Variants in GRM4 observed in about 807,000 individuals in gnomAD.
The protein encoded by GRM4 is glutamate metabotropic receptor 4.
Under a neutral mutation model 81.7 loss-of-function variants are expected in GRM4, and 28 were observed. That is an observed-to-expected ratio of 0.34 (90% CI 0.25 to 0.47). GRM4 has a LOEUF of 0.47. Ranked by LOEUF, GRM4 falls within the 20% of genes least tolerant of loss-of-function variation. The pLI is 1.00. For missense variants in GRM4, 948 were observed against 1,290.0 expected (o/e 0.73, Z 4.06); for synonymous variants, 488 against 528.8 (o/e 0.92, Z 1.06).
intron 2 of GRM4, among the ~76,000 whole-genome samples, chr6:34,118,249 C>T (rs913879695): frequency 6.6e-6 from 1 of 152,224 alleles, no homozygotes; most frequent in Non-Finnish European, 1.5e-5. Context: ...GGCTAAGGGA[C>T]ATCGAGCCAC....
At chr6:34,044,853 C>CATACATACACATATATACATAG (rs1765277164) in intron 6 of GRM4, among the ~76,000 whole-genome samples, 1 of 134,854 alleles carries the variant, frequency 7.4e-6, no homozygotes, top group Admixed American at 7.1e-5. Context: ...TATACATAGA[C>CATACATACACATATATACATAG]ACACACACAG....
At chr6:34,098,957 G>A (rs1227602629) in intron 2 of GRM4, among the ~76,000 whole-genome samples, 1 of 152,068 alleles carries the variant, frequency 6.6e-6, no homozygotes, top group Non-Finnish European at 1.5e-5. Flanking sequence ...TGTGGGCTGG[G>A]AGCCGGTCTC....
chr6:34,024,955 C>A lies in GRM4; in HGVS notation c.2690-2085G>T, dbSNP rs9469686. 1.9e-3 allele frequency among the ~76,000 whole-genome samples: 287 copies of A among 152,300 alleles called. 1 individual carries two copies. Among genetic ancestry groups the A allele is most frequent in the African/African-American group, 6.5e-3 (270 of 41,554 alleles). ...GATGACCAAGAGGGCAGAGGGACCA[C>A]AGGACAGGTCATTTTGGATGGGGCA... is the stretch of plus-strand genomic sequence containing the variant. On this transcript the variant is annotated intron_variant, in intron 10 of 10. Transcript: ENST00000538487.
Position 34,068,936 on chromosome 6 carries a change from A to T in GRM4, c.737-6908T>A, listed in dbSNP as rs1466654879. On this transcript the variant is annotated intron_variant, in intron 3 of 10. Coordinates refer to ENST00000538487, the MANE Select transcript of GRM4 (RefSeq NM_000841.4). This position sits in a 1 kb window ranked among gnomAD's most constrained non-coding sequence, Gnocchi z 4.2. Reference sequence around the variant, plus strand: ...CGCTTTCTCCCTTCCTTTAAAAAGAATTTTTTTTTAATTTAAAAAGAGAGG... The same window carrying T: ...CGCTTTCTCCCTTCCTTTAAAAAGATTTTTTTTTTAATTTAAAAAGAGAGG... 6.6e-6 allele frequency among the ~76,000 whole-genome samples: 1 copy of T among 151,890 alleles called. No homozygotes were observed. Among genetic ancestry groups the T allele is most frequent in the Admixed American group, 6.6e-5 (1 of 15,236 alleles).
intron 3 of GRM4, among the ~76,000 whole-genome samples, chr6:34,086,566 G>A (rs1157262871): frequency 1.3e-5 from 2 of 152,186 alleles, no homozygotes; most frequent in African/African-American, 4.8e-5. Flanking sequence ...GCACAGATGT[G>A]CCCAGACATG....
intron 2 of GRM4, among the ~76,000 whole-genome samples, chr6:34,124,552 G>C (rs551496478): frequency 6.6e-6 from 1 of 152,200 alleles, no homozygotes; most frequent in Non-Finnish European, 1.5e-5. Context: ...AGTTCACTTC[G>C]AGGGGTGGTT....
At chr6:34,113,912 C>T (rs761672557) in intron 2 of GRM4, among the ~76,000 whole-genome samples, 1 of 152,214 alleles carries the variant, frequency 6.6e-6, no homozygotes, top group Non-Finnish European at 1.5e-5. Flanking sequence ...TGACCCAACC[C>T]TGCCACACCT....
chr6:34,076,740 G>C (rs1767332606), intron 3 of GRM4, among the ~76,000 whole-genome samples: 1 of 152,180 alleles, frequency 6.6e-6, no homozygotes, highest in Non-Finnish European at 1.5e-5. Context: ...AGATGCTGGG[G>C]GCTGGGGCCC....
intron 6 of GRM4, among the ~76,000 whole-genome samples, chr6:34,053,434 C>T (rs750855313): frequency 5.3e-5 from 8 of 152,228 alleles, no homozygotes; most frequent in African/African-American, 9.6e-5. Context: ...GCCCCCTCAC[C>T]CGCCCCTCAC....
At chr6:34,067,585 C>T (rs1766550742) in intron 3 of GRM4, among the ~76,000 whole-genome samples, 1 of 143,634 alleles carries the variant, frequency 7.0e-6, no homozygotes, top group African/African-American at 2.7e-5. Context: ...TCCCTCCTTT[C>T]CTCCCTCCCT....
Position 34,022,796 on chromosome 6 carries a change from C to T in GRM4, c.*25G>A, listed in dbSNP as rs1377282983. ...CTTCCACAGGGTCACGGCTCCTCCT[C>T]CTGCTGCTCAGCTCCATGGACTCGC... On this transcript the variant is annotated 3_prime_UTR_variant, in exon 11 of 11. Transcript: ENST00000538487. The surrounding 1 kb of genome is among the most constrained non-coding windows in gnomAD (Gnocchi z 5.6). 2 of 1,607,818 alleles carry T rather than the reference C, an allele frequency of 1.2e-6. No homozygotes were observed. The highest frequency in any genetic ancestry group is 8.5e-7 in the Non-Finnish European group (1 of 1,174,320).
intron 8 of GRM4, among the ~76,000 whole-genome samples, chr6:34,039,830 C>T (rs1188178364): frequency 6.6e-6 from 1 of 151,976 alleles, no homozygotes; most frequent in African/African-American, 2.4e-5. Flanking sequence ...CCATCACCCC[C>T]CACTTGCCCA....
intron 2 of GRM4, among the ~76,000 whole-genome samples, chr6:34,116,642 A>C (rs1390599517): frequency 6.6e-6 from 1 of 152,218 alleles, no homozygotes; most frequent in Non-Finnish European, 1.5e-5. Context: ...GCAACCTATG[A>C]GCCAACAATT....
intron 2 of GRM4, among the ~76,000 whole-genome samples, chr6:34,116,444 G>A (rs1769601512): frequency 6.6e-6 from 1 of 152,226 alleles, no homozygotes; most frequent in South Asian, 2.1e-4. Context: ...GAAGAAGAGA[G>A]ACACAACCTT....
chr6:34,088,131 CTTT>C (rs1187745957), intron 3 of GRM4, among the ~76,000 whole-genome samples: 2 of 151,308 alleles, frequency 1.3e-5, no homozygotes, highest in Admixed American at 1.3e-4. Flanking sequence ...CGTTTCACTC[CTTT>C]TTTTTTAAGA....
chr6:34,098,879 G>A (rs999581544), intron 2 of GRM4, among the ~76,000 whole-genome samples: 1 of 152,140 alleles, frequency 6.6e-6, no homozygotes, highest in Non-Finnish European at 1.5e-5. Flanking sequence ...GGGGGTGGGG[G>A]CTGGGAGGGG....
At position 34,130,381 on chromosome 6, in the gene GRM4, G is replaced by A. The variant is rs1481504643; in HGVS notation, c.519+2597C>T. 6.6e-6 allele frequency among the ~76,000 whole-genome samples: 1 copy of A among 152,126 alleles called. No homozygotes were observed. Among genetic ancestry groups the A allele is most frequent in the Non-Finnish European group, 1.5e-5 (1 of 68,024 alleles). On this transcript the variant is annotated intron_variant, in intron 2 of 10. Coordinates refer to ENST00000538487, the MANE Select transcript of GRM4 (RefSeq NM_000841.4). This position sits in a 1 kb window ranked among gnomAD's most constrained non-coding sequence, Gnocchi z 4.1. ...TCCTGCCTTGCTCTCTGTGCAGCCT[G>A]AGGGGCTCCTGACCCCTGCCCCAAC...
chr6:34,148,072 C>T (rs993676676), upstream of GRM4, among the ~76,000 whole-genome samples: 9 of 130,690 alleles, frequency 6.9e-5, no homozygotes, highest in Admixed American at 4.3e-4. Context: ...CCAGCTGTGT[C>T]GCAGAAGGCT....
In GRM4 at chr6:34,021,524, T is replaced by G. The variant is rs565683750; in HGVS notation, c.*1297A>C. 9.8e-5 allele frequency: 15 copies of G among 152,294 alleles called. No homozygotes were observed. The highest frequency in any genetic ancestry group is 3.4e-4 in the African/African-American group (14 of 41,404). 9.4% of individuals were successfully genotyped at this position (152,294 alleles called of 1,614,324 possible). A position where few individuals can be genotyped will look rare whatever the true frequency, so the allele number is the denominator to read the frequency against. On this transcript the variant is annotated 3_prime_UTR_variant, in exon 11 of 11. Coordinates refer to ENST00000538487, the MANE Select transcript of GRM4 (RefSeq NM_000841.4). The surrounding 1 kb of genome is among the most constrained non-coding windows in gnomAD (Gnocchi z 5.3). ...GAAGGGCAGTCCCAGGTGTGAGGGG[T>G]GTGAGACAGAGGACAGGCAAGGCAG...
Sources: allele counts gnomAD v4.1 joint callset (sites outside exome capture counted in the v4.1 genomes callset), GRCh38; gene constraint gnomAD v4.1.1; non-coding constraint Gnocchi (gnomAD v3.1); transcripts MANE v1.5; gene names NCBI Gene and HGNC (gene_info 2026-07-23, HGNC 2026-07-21).